MYO5B: variants seen among roughly 807,000 people sequenced by gnomAD.
MYO5B encodes the protein unconventional myosin-Vb.
In MYO5B, 143 loss-of-function variants were observed where a neutral mutation model predicts 229.3. The observed-to-expected ratio is 0.62, with a 90% CI of 0.54 to 0.72. The LOEUF is 0.72. MYO5B is among the 30% of genes least tolerant of loss of function. MYO5B has a pLI of 0.00. For synonymous variants in MYO5B, 918 were observed against 885.2 expected (o/e 1.04, Z -0.66); for missense variants, 2,321 against 2,331.0 (o/e 1.00, Z 0.09).
chr18:49,865,111 A>G (rs1437715406), intron 27 of MYO5B, among the ~76,000 whole-genome samples: 3 of 152,252 alleles, frequency 2.0e-5, no homozygotes, highest in Non-Finnish European at 4.4e-5. Flanking sequence ...AAAATTTCCC[A>G]AAGGAAACCC....
intron 17 of MYO5B, among the ~76,000 whole-genome samples, chr18:49,923,897 A>T (rs756570980): frequency 6.6e-6 from 1 of 151,904 alleles, no homozygotes; most frequent in Non-Finnish European, 1.5e-5. Flanking sequence ...CATGGTCCTA[A>T]TGTTCACACC....
At chr18:49,979,312 CAG>C (rs1350566780) in intron 9 of MYO5B, among the ~76,000 whole-genome samples, 3 of 152,224 alleles carry the variant, frequency 2.0e-5, no homozygotes, top group Non-Finnish European at 4.4e-5. Context: ...CTGGGCCCGA[CAG>C]GGGAGCTTCA....
intron 1 of MYO5B, among the ~76,000 whole-genome samples, chr18:50,077,695 G>A (rs1262662267): frequency 2.0e-5 from 3 of 152,038 alleles, no homozygotes; most frequent in African/African-American, 4.8e-5. Flanking sequence ...TTAAAACAAC[G>A]CAACTTCAAG....
chr18:50,072,169 T>C (rs946383670), intron 1 of MYO5B, among the ~76,000 whole-genome samples: 21 of 152,180 alleles, frequency 1.4e-4, no homozygotes, highest in African/African-American at 5.1e-4. Context: ...AGGGACACTC[T>C]GTGGTTGCCC....
At chr18:50,083,448 C>T (rs960302610) in intron 1 of MYO5B, among the ~76,000 whole-genome samples, 2 of 152,150 alleles carry the variant, frequency 1.3e-5, no homozygotes, top group Non-Finnish European at 2.9e-5. Flanking sequence ...ATTGTAATAC[C>T]TAGGGGCCAC....
At chr18:50,194,724 C>T in intron 1 of MYO5B, 43 bp downstream of exon 1, 1 of 1,396,636 alleles carries the variant, frequency 7.2e-7, no homozygotes, top group Non-Finnish European at 9.6e-7. Context: ...GCCCCGAGCG[C>T]GCCACCCCGG....
chr18:49,982,682 C>T (rs778765407), intron 8 of MYO5B, among the ~76,000 whole-genome samples: 8 of 152,174 alleles, frequency 5.3e-5, no homozygotes, highest in South Asian at 2.1e-4. Flanking sequence ...CACTCTGTTA[C>T]GTTCTGTCTA....
intron 4 of MYO5B, among the ~76,000 whole-genome samples, chr18:50,029,405 G>A (rs1194180733): frequency 6.6e-6 from 1 of 152,144 alleles, no homozygotes; most frequent in Admixed American, 6.5e-5. Flanking sequence ...AACCATTCCT[G>A]TGTTCAGACA....
At chr18:49,979,789 C>T (rs1436952954) in intron 9 of MYO5B, among the ~76,000 whole-genome samples, 1 of 152,202 alleles carries the variant, frequency 6.6e-6, no homozygotes, top group East Asian at 1.9e-4. Flanking sequence ...TAGCTTTTCC[C>T]AACACCATTA....
rs1275478557 is a variant in MYO5B, at chr18:49,974,497, A to G, written c.1175T>C (p.Met392Thr). ...CGCATTGATCACCTGCTGCAGGGAC[A>G]TGGTCTTGACGTAGGTCTCCGAGGT... ...VTTSETYVKT[M>T]SLQQVINARN... is the part of the protein sequence containing the mutation. The change falls in exon 10 of 40, where the codon ATG (methionine) becomes ACG (threonine). Residue 392 changes from methionine to threonine, a missense_variant. This residue lies in a region of MYO5B where 2,113 missense variants were observed against 2,044.7 expected (regional missense o/e 1.03). Coordinates refer to ENST00000285039, the MANE Select transcript of MYO5B (RefSeq NM_001080467.3). 5.6e-6 allele frequency: 9 copies of G among 1,614,168 alleles called. No homozygotes were observed. The highest frequency in any genetic ancestry group is 7.6e-6 in the Non-Finnish European group (9 of 1,180,026).
At chr18:49,892,159 G>C (rs547143544) in intron 22 of MYO5B, among the ~76,000 whole-genome samples, 10 of 152,374 alleles carry the variant, frequency 6.6e-5, no homozygotes, top group African/African-American at 2.4e-4. Flanking sequence ...CCGGCATAGG[G>C]ATCGCTGAAG....
At chr18:49,966,868 A>T (rs2025631691) in intron 10 of MYO5B, among the ~76,000 whole-genome samples, 1 of 152,238 alleles carries the variant, frequency 6.6e-6, no homozygotes, top group African/African-American at 2.4e-5. Context: ...GAAACATCTA[A>T]AATGACAGAC....
intron 4 of MYO5B, among the ~76,000 whole-genome samples, chr18:50,015,756 C>T (rs1192880170): frequency 1.3e-5 from 2 of 152,186 alleles, no homozygotes; most frequent in African/African-American, 2.4e-5. Flanking sequence ...GAGCAAGCAC[C>T]TCCTCCAGGT....
chr18:50,002,221 T>C (rs1053123960), intron 4 of MYO5B, among the ~76,000 whole-genome samples: 2 of 152,114 alleles, frequency 1.3e-5, no homozygotes, highest in Non-Finnish European at 2.9e-5. Context: ...TTTTTTTTCA[T>C]ATAGGTAGGT....
intron 1 of MYO5B, among the ~76,000 whole-genome samples, chr18:50,148,013 TC>T (rs1212271203): frequency 6.6e-6 from 1 of 150,698 alleles, no homozygotes; most frequent in African/African-American, 2.5e-5. Flanking sequence ...TCACCACCGA[TC>T]CCACAGAAAT....
intron 30 of MYO5B, among the ~76,000 whole-genome samples, 155 bp downstream of exon 30, chr18:49,856,658 C>T (rs1230158307): frequency 6.6e-6 from 1 of 152,222 alleles, no homozygotes; most frequent in Non-Finnish European, 1.5e-5. Context: ...AGCCTGGGCA[C>T]AGTGACAGAT....
At chr18:50,091,442 A>G (rs1035670508) in intron 1 of MYO5B, among the ~76,000 whole-genome samples, 1 of 152,202 alleles carries the variant, frequency 6.6e-6, no homozygotes, top group African/African-American at 2.4e-5. Flanking sequence ...TTAATCACCT[A>G]TTATTACTAT....
At chr18:49,957,672 C>CAAAACA (rs1408083643) in intron 12 of MYO5B, among the ~76,000 whole-genome samples, 1 of 106,294 alleles carries the variant, frequency 9.4e-6, no homozygotes. Context: ...CAAAACAAAA[C>CAAAACA]AAAAAAAGCC....
chr18:49,875,357 G>A (rs1272111002), intron 26 of MYO5B, among the ~76,000 whole-genome samples: 9 of 152,140 alleles, frequency 5.9e-5, no homozygotes. Context: ...GTGTACATTT[G>A]ACTTCTGCTG....
Sources: gnomAD v4.1 joint callset for allele counts (sites outside exome capture counted in the v4.1 genomes callset) on GRCh38, gnomAD v4.1.1 for gene constraint, gnomAD v4.1.1 regional missense constraint, MANE v1.5 for transcripts, NCBI Gene and HGNC (gene_info 2026-07-23, HGNC 2026-07-21) for gene names.